The following MTA1 variants were observed in gnomAD, a reference collection of about 807,000 sequenced individuals.
The protein encoded by MTA1 is metastasis-associated protein MTA1.
In MTA1, 15 loss-of-function variants were observed where a neutral mutation model predicts 97.0. The observed-to-expected ratio is 0.15, with a 90% CI of 0.10 to 0.24. The LOEUF (loss-of-function observed/expected upper bound fraction) is 0.24. MTA1 is among the 10% of genes least tolerant of loss of function. The pLI, the probability that MTA1 is intolerant of heterozygous loss-of-function variation, is 1.00. For synonymous variants in MTA1, 435 were observed against 417.5 expected, an observed-to-expected ratio of 1.04 and a Z score of -0.51; for missense variants, 709 against 1,015.1, an observed-to-expected ratio of 0.70 and a Z score of 4.10.
Position 105,469,985 on chromosome 14 carries a change from G to A in MTA1, c.1990G>A (p.Glu664Lys), listed in dbSNP as rs1033410359. ...PDDVFYMATE[E>K]TRKIRKLLSS... ...TGACGTGTTCTACATGGCCACAGAG[G>A]AGACCAGGTGGGGCCTTCCCAGGGC... The change falls in exon 20 of 21, where the codon GAG becomes AAG. Residue 664 changes from glutamate (E) to lysine (K), a missense_variant. By Grantham distance (56) the Glu-to-Lys change is moderately conservative. This residue lies in a region of MTA1 where 388 missense variants were observed against 421.6 expected (regional missense o/e 0.92). Coordinates refer to ENST00000331320, the MANE Select transcript of MTA1 (RefSeq NM_004689.4). The A allele has an allele frequency of 2.5e-6, 4 of 1,612,502 alleles. No homozygotes were observed. The highest frequency in any genetic ancestry group is 3.4e-6 in the Non-Finnish European group (4 of 1,179,844).
Position 105,469,849 on chromosome 14 carries a change from C to T in MTA1, c.1854C>T (p.Ser618=). The T allele has an allele frequency of 1.9e-6, 3 of 1,606,096 alleles. No individual in the cohort carries two copies. Among genetic ancestry groups the T allele is most frequent in the Middle Eastern group, 1.7e-4 (1 of 6,054 alleles). Residue 618 remains serine, a synonymous_variant, in exon 20 of 21, where the codon AGC becomes AGT. Coordinates refer to ENST00000331320, the MANE Select transcript of MTA1 (RefSeq NM_004689.4). ...GTGCACCCCCTCTGCAGGGACCAAG[C>T]CGGAACCTCCTGCTCAACGGGAAGT... ...NHGQARHMGP[S]RNLLLNGKSY...
At chr14:105,425,184 G>T (rs1180917166) in intron 1 of MTA1, among the ~76,000 whole-genome samples, 1 of 152,254 alleles carries the variant, frequency 6.6e-6, no homozygotes, top group African/African-American at 2.4e-5. Context: ...CTGCTAGGGA[G>T]GGTGGCCCCC....
At chr14:105,429,073 TG>T (rs1246726048) in intron 1 of MTA1, among the ~76,000 whole-genome samples, 3 of 152,184 alleles carry the variant, frequency 2.0e-5, no homozygotes, top group Non-Finnish European at 4.4e-5. Flanking sequence ...TTGAACTTCA[TG>T]GGCCAACTTC....
At chr14:105,453,115 T>C (rs587693340) in intron 6 of MTA1, among the ~76,000 whole-genome samples, 1 of 152,386 alleles carries the variant, frequency 6.6e-6, no homozygotes, top group Non-Finnish European at 1.5e-5. Context: ...GCAAAGGCCA[T>C]GTCCTGGAAA....
At chr14:105,435,300 T>C (rs2082297266) in intron 1 of MTA1, among the ~76,000 whole-genome samples, 1 of 152,088 alleles carries the variant, frequency 6.6e-6, no homozygotes, top group Non-Finnish European at 1.5e-5. Flanking sequence ...TTAAGTTATA[T>C]TTAGAGATGG....
chr14:105,460,268 G>A, intron 8 of MTA1, 90 bp from the exon 9 acceptor site: 1 of 1,212,918 alleles, frequency 8.2e-7, no homozygotes, highest in South Asian at 1.5e-5. Context: ...TGCTGCCCGT[G>A]GCCGCTGGTC....
chr14:105,432,169 C>G (rs1297362148), intron 1 of MTA1, among the ~76,000 whole-genome samples: 1 of 152,234 alleles, frequency 6.6e-6, no homozygotes, highest in East Asian at 1.9e-4. Flanking sequence ...AACATCTTGA[C>G]TTGCTGTCCT....
chr14:105,462,531 C>T (rs2083397365), intron 10 of MTA1, among the ~76,000 whole-genome samples: 1 of 151,782 alleles, frequency 6.6e-6, no homozygotes, highest in Non-Finnish European at 1.5e-5. Flanking sequence ...GATCGCACCA[C>T]TGCACTCCAG....
intron 7 of MTA1, among the ~76,000 whole-genome samples, chr14:105,457,197 A>ATATG (rs1555430098): frequency 7.2e-5 from 11 of 152,240 alleles, no homozygotes; most frequent in Non-Finnish European, 1.6e-4. Context: ...AGAGGTGGAC[A>ATATG]GAGGACAATT....
intron 3 of MTA1, among the ~76,000 whole-genome samples, chr14:105,448,855 C>T (rs2082811648): frequency 6.6e-6 from 1 of 152,386 alleles, no homozygotes; most frequent in Non-Finnish European, 1.5e-5. Flanking sequence ...ATCTGGGGAC[C>T]TTGGGCTCAG....
At position 105,470,581 on chromosome 14, in the gene MTA1, T is replaced by G; in HGVS notation, c.*366T>G. On this transcript the variant is annotated 3_prime_UTR_variant, in exon 21 of 21. Coordinates refer to ENST00000331320, the MANE Select transcript of MTA1 (RefSeq NM_004689.4). ...TTTATTACTTTTTTTGTAGATGAACTTGAGCTCTGTAACTTACACCTGGAA... is the reference window on the plus strand; with the variant it reads ...TTTATTACTTTTTTTGTAGATGAACGTGAGCTCTGTAACTTACACCTGGAA... The G allele has an allele frequency of 9.8e-6, 2 of 203,470 alleles. No individual in the cohort carries two copies. Among genetic ancestry groups the G allele is most frequent in the Non-Finnish European group, 1.9e-5 (2 of 103,076 alleles). The allele number at this position is 203,470 out of a possible 1,614,324, so 12.6% of individuals were successfully genotyped here.
Position 105,463,270 on chromosome 14 carries a change from C to T in MTA1, c.1017+12C>T, listed in dbSNP as rs781916227. ...GATACGTGCAGCAGGTGAGCCCGCC[C>T]GCCACTCAGTGCCCGGGGTGTGCCG... On this transcript the variant is annotated intron_variant, in intron 11 of 20. Coordinates refer to ENST00000331320, the MANE Select transcript of MTA1 (RefSeq NM_004689.4). This position sits in a 1 kb window ranked among gnomAD's most constrained non-coding sequence, Gnocchi z 5.9. The T allele has an allele frequency of 5.1e-5, 82 of 1,610,478 alleles. 1 individual carries two copies. In the Admixed American group the frequency reaches 6.3e-4, roughly 12 times the overall value.
intron 3 of MTA1, among the ~76,000 whole-genome samples, chr14:105,448,297 G>A (rs1225963084): frequency 6.6e-6 from 1 of 152,134 alleles, no homozygotes; most frequent in Admixed American, 6.5e-5. Flanking sequence ...GTTTCTGCCT[G>A]TTGAGGGTCT....
intron 18 of MTA1, chr14:105,468,108 G>A (rs587711822): frequency 4.7e-4 from 168 of 357,536 alleles, no homozygotes; most frequent in Middle Eastern, 4.1e-3. Flanking sequence ...GACGGCTCCC[G>A]GGGGCACTGG....
chr14:105,449,975 G>C lies in MTA1; in HGVS notation c.242-83G>C, dbSNP rs587671221. 2.2e-5 allele frequency: 35 copies of C among 1,586,366 alleles called. No individual in the cohort carries two copies. The East Asian group carries it at 6.8e-4, about 31-fold the overall frequency. On this transcript the variant is annotated intron_variant, in intron 4 of 20. Coordinates refer to ENST00000331320, the MANE Select transcript of MTA1 (RefSeq NM_004689.4). ...CCAGGACTGGGCCTCCTGCGTGCTG[G>C]CGCCAGGTGGGGCTGGTGGGGTGGG...
rs57114060 is a variant in MTA1, at chr14:105,454,240, G to C, written c.480G>C (p.Leu160=). 1 of 1,613,764 alleles carries C rather than the reference G, an allele frequency of 6.2e-7. No homozygotes were observed. The highest frequency in any genetic ancestry group is 1.7e-5 in the Admixed American group (1 of 60,010). ...SLVYDPQQKT[L]LADKGEIRVG... is the part of the protein sequence containing the mutation. Reference sequence around the variant, plus strand: ...TCTACGACCCACAGCAGAAGACCCTGCTGGCAGATAAAGGAGAGATTCGAG... The same window carrying C: ...TCTACGACCCACAGCAGAAGACCCTCCTGGCAGATAAAGGAGAGATTCGAG... The change falls in exon 7 of 21, where the codon CTG becomes CTC. Residue 160 remains leucine (L), a synonymous_variant. Transcript: ENST00000331320.
intron 15 of MTA1, 108 bp from the exon 16 acceptor site, chr14:105,464,985 TC>T: frequency 2.3e-6 from 3 of 1,316,120 alleles, no homozygotes; most frequent in Non-Finnish European, 3.1e-6. Flanking sequence ...CACGTCCTCC[TC>T]GGTGCTGACA....
At chr14:105,467,704 T>C in intron 18 of MTA1, 1 of 355,628 alleles carries the variant, frequency 2.8e-6, no homozygotes, top group Non-Finnish European at 5.6e-6. Context: ...CATCTGGTAT[T>C]GGGGCTGCCC....
Position 105,466,438 on chromosome 14 carries a change from G to T in MTA1, c.1637G>T (p.Arg546Leu), listed in dbSNP as rs782227993. 3 of 988,096 alleles carry T rather than the reference G, an allele frequency of 3.0e-6. No homozygotes were observed. The highest frequency in any genetic ancestry group is 2.7e-6 in the Non-Finnish European group (2 of 737,016). 61.2% of individuals were successfully genotyped at this position (988,096 alleles called of 1,614,324 possible). ...AVLRYLETHP[R>L]PPKPDPVKSV... Reference sequence around the variant, plus strand: ...TCATTCCCGGCAGAGACCCACCCCCGCCCCCCCAAGCCTGACCCCGTGAAA... The same window carrying T: ...TCATTCCCGGCAGAGACCCACCCCCTCCCCCCCAAGCCTGACCCCGTGAAA... Residue 546 changes from arginine to leucine, a missense_variant, in exon 17 of 21, where the codon CGC (arginine) becomes CTC (leucine). Arg to Leu is a moderately radical substitution (Grantham distance 102, BLOSUM62 -2). Coordinates refer to ENST00000331320, the MANE Select transcript of MTA1 (RefSeq NM_004689.4).
Sources: gnomAD v4.1 joint callset for allele counts (sites outside exome capture counted in the v4.1 genomes callset) on GRCh38, gnomAD v4.1.1 for gene constraint, gnomAD v4.1.1 regional missense constraint, Gnocchi (gnomAD v3.1) non-coding constraint, MANE v1.5 for transcripts, NCBI Gene and HGNC (gene_info 2026-07-23, HGNC 2026-07-21) for gene names.